The following TOMM70 variants were observed in gnomAD, a reference collection of about 807,000 sequenced individuals.
TOMM70 encodes the protein translocase of outer mitochondrial membrane 70, also known as mitochondrial import receptor subunit TOM70.
In TOMM70, 13 loss-of-function variants were observed where a neutral mutation model predicts 73.6. That is an observed-to-expected ratio of 0.18 (90% CI 0.11 to 0.28). The LOEUF (loss-of-function observed/expected upper bound fraction) is 0.28. Among genes scored for constraint, TOMM70 ranks in the 10% least tolerant of loss-of-function variants. The probability of loss-of-function intolerance (pLI) is 1.00; values close to 1 mark genes in which losing one functional copy is unlikely to be tolerated. For missense variants in TOMM70, 609 were observed against 747.5 expected (o/e 0.81, Z 2.16); for synonymous variants, 257 against 271.2 (o/e 0.95, Z 0.51).
intron 1 of TOMM70, among the ~76,000 whole-genome samples, chr3:100,395,429 G>C (rs1706814825): frequency 6.6e-6 from 1 of 151,514 alleles, no homozygotes; most frequent in Non-Finnish European, 1.5e-5. Context: ...ATGGTGGCGA[G>C]CTACTCAGGA....
chr3:100,381,445 A>G (rs1706632586), intron 5 of TOMM70, among the ~76,000 whole-genome samples, 170 bp downstream of exon 5: 1 of 151,970 alleles, frequency 6.6e-6, no homozygotes, highest in Admixed American at 6.6e-5. Context: ...CTAGAAAGAA[A>G]AGTGTTTTTA....
intron 3 of TOMM70, 28 bp from the exon 4 acceptor site, chr3:100,384,616 A>G: frequency 2.7e-6 from 4 of 1,457,316 alleles, no homozygotes; most frequent in Non-Finnish European, 3.7e-6. Context: ...CACAAGGGTA[A>G]ATATAAAATT....
chr3:100,390,897 T>TG (rs1383744170), intron 1 of TOMM70, among the ~76,000 whole-genome samples: 2 of 151,884 alleles, frequency 1.3e-5, no homozygotes, highest in East Asian at 3.9e-4. Context: ...TCCAGCACTT[T>TG]GGGAGGCTGA....
chr3:100,368,201 G>A (rs752451454), intron 10 of TOMM70, 35 bp from the exon 11 acceptor site: 7 of 1,600,934 alleles, frequency 4.4e-6, no homozygotes, highest in South Asian at 1.1e-5. Context: ...TGTGACCATG[G>A]CCCAGTATCA....
At chr3:100,368,653 G>A (rs1706474238) in intron 10 of TOMM70, among the ~76,000 whole-genome samples, 1 of 152,160 alleles carries the variant, frequency 6.6e-6, no homozygotes, top group African/African-American at 2.4e-5. Context: ...TTGGCTCACT[G>A]CAACCTCTGC....
At chr3:100,399,620 T>A (rs1706865233) in intron 1 of TOMM70, among the ~76,000 whole-genome samples, 1 of 152,174 alleles carries the variant, frequency 6.6e-6, no homozygotes, top group Non-Finnish European at 1.5e-5. Context: ...ATGCTTGGCC[T>A]CACATCAGAG....
chr3:100,381,558 G>A (rs1706634026), intron 5 of TOMM70, 57 bp downstream of exon 5: 1 of 1,550,134 alleles, frequency 6.5e-7, no homozygotes. Context: ...TGGGCCCTAA[G>A]GAAAGTTCAA....
At chr3:100,381,246 C>T (rs1191709695) in intron 5 of TOMM70, among the ~76,000 whole-genome samples, 1 of 152,090 alleles carries the variant, frequency 6.6e-6, no homozygotes, top group Non-Finnish European at 1.5e-5. Context: ...AAATTAAAAA[C>T]TTCCCTGCAC....
chr3:100,391,237 A>G (rs1359710372), intron 1 of TOMM70, among the ~76,000 whole-genome samples: 1 of 152,240 alleles, frequency 6.6e-6, no homozygotes, highest in Non-Finnish European at 1.5e-5. Flanking sequence ...TACTATACAT[A>G]TACTATACTT....
intron 1 of TOMM70, among the ~76,000 whole-genome samples, chr3:100,395,542 C>CAAAAAAAAAA (rs59048767): frequency 1.2e-5 from 1 of 81,074 alleles, no homozygotes; most frequent in Non-Finnish European, 3.2e-5. Context: ...GACTCCAACT[C>CAAAAAAAAAA]AAAAAAAAAA....
chr3:100,372,349 ATCCAAAT>A, intron 9 of TOMM70: 1 of 344,592 alleles, frequency 2.9e-6, no homozygotes, highest in Non-Finnish European at 5.2e-6. Flanking sequence ...TGCAAAACCA[ATCCAAAT>A]GAAGACAGGA....
At chr3:100,378,064 G>A (rs1289700055) in intron 5 of TOMM70, 152 bp from the exon 6 acceptor site, 5 of 597,892 alleles carry the variant, frequency 8.4e-6, no homozygotes, top group South Asian at 6.0e-5. Context: ...GGCCAACATG[G>A]TGAAACCCGT....
At chr3:100,392,857 T>C (rs1002015775) in intron 1 of TOMM70, among the ~76,000 whole-genome samples, 4 of 152,172 alleles carry the variant, frequency 2.6e-5, no homozygotes, top group Admixed American at 6.5e-5. Context: ...TGTGTATGTT[T>C]ATTGCAGCAC....
chr3:100,393,080 G>C (rs922764782), intron 1 of TOMM70, among the ~76,000 whole-genome samples: 2 of 151,842 alleles, frequency 1.3e-5, no homozygotes, highest in Admixed American at 1.3e-4. Flanking sequence ...GGAGGCTGAG[G>C]CAGGAGAATC....
intron 6 of TOMM70, 91 bp from the exon 7 acceptor site, chr3:100,375,243 A>G: frequency 1.4e-6 from 2 of 1,425,524 alleles, no homozygotes; most frequent in East Asian, 2.5e-5. Flanking sequence ...TATAATCCAC[A>G]TATCACAAAG....
chr3:100,382,722 A>G (rs973604257), intron 4 of TOMM70, among the ~76,000 whole-genome samples: 1 of 152,214 alleles, frequency 6.6e-6, no homozygotes. Flanking sequence ...TTCAGCTTAG[A>G]AATGAAGCTA....
chr3:100,381,746 C>T lies in TOMM70; in HGVS notation c.753G>A (p.Met251Ile). 6.3e-7 allele frequency: 1 copy of T among 1,599,198 alleles called. No individual in the cohort carries two copies. The change falls in exon 5 of 12, where the codon ATG becomes ATA. Residue 251 changes from methionine (M) to isoleucine (I), a missense_variant. Met to Ile is a conservative substitution (Grantham distance 10, BLOSUM62 1). Transcript: ENST00000284320. ...KEKYKNREPL[M>I]PSPQFIKSYF... is the part of the protein sequence containing the mutation. Reference sequence around the variant, plus strand: ...AAGATTTGATAAACTGTGGAGATGGCATCAGAGGTTCACGATTCTGAAATT... The same window carrying T: ...AAGATTTGATAAACTGTGGAGATGGTATCAGAGGTTCACGATTCTGAAATT...
intron 1 of TOMM70, among the ~76,000 whole-genome samples, chr3:100,396,890 A>G (rs1706832123): frequency 6.6e-6 from 1 of 152,226 alleles, no homozygotes; most frequent in Non-Finnish European, 1.5e-5. Flanking sequence ...CCCAGAAAAA[A>G]GGTAATTGTG....
chr3:100,387,599 GACACACACACACACACACAC>G (rs71752325), intron 1 of TOMM70, among the ~76,000 whole-genome samples: 5 of 118,188 alleles, frequency 4.2e-5, no homozygotes, highest in African/African-American at 1.6e-4. Context: ...CACAGACACA[GACACACACACACACACACAC>G]ACACACACAC....
Sources: allele counts gnomAD v4.1 joint callset (sites outside exome capture counted in the v4.1 genomes callset), GRCh38; gene constraint gnomAD v4.1.1; transcripts MANE v1.5; gene names NCBI Gene and HGNC (gene_info 2026-07-23, HGNC 2026-07-21).